PDE1C: variants seen among roughly 807,000 people sequenced by gnomAD.
PDE1C encodes the protein dual specificity calcium/calmodulin-dependent 3',5'-cyclic nucleotide phosphodiesterase 1C.
Under a neutral mutation model 93.1 loss-of-function variants are expected in PDE1C, and 62 were observed. That is an observed-to-expected ratio of 0.67 (90% CI 0.54 to 0.82). The LOEUF is 0.82. Ranked by LOEUF, PDE1C falls within the 40% of genes least tolerant of loss-of-function variation. The pLI, the probability that PDE1C is intolerant of heterozygous loss-of-function variation, is 0.00. For missense variants in PDE1C, 742 were observed against 884.6 expected (o/e 0.84, Z 2.04); for synonymous variants, 325 against 310.1 (o/e 1.05, Z -0.50).
chr7:32,410,785 G>T (rs566635310), intron 1 of PDE1C, among the ~76,000 whole-genome samples: 2 of 152,250 alleles, frequency 1.3e-5, no homozygotes, highest in Admixed American at 6.5e-5. Context: ...CCTTCTCCAG[G>T]TTCCAGCTCT....
intron 1 of PDE1C, among the ~76,000 whole-genome samples, chr7:32,269,225 A>T (rs1810800761): frequency 6.6e-6 from 1 of 151,926 alleles, no homozygotes; most frequent in African/African-American, 2.4e-5. Flanking sequence ...CCACCTGAGG[A>T]TGTTGTGAAA....
At chr7:31,915,510 A>C (rs1471150798) in intron 2 of PDE1C, among the ~76,000 whole-genome samples, 1 of 152,150 alleles carries the variant, frequency 6.6e-6, no homozygotes, top group Non-Finnish European at 1.5e-5. Flanking sequence ...GATGCTACTT[A>C]AGCATTTTTC....
chr7:31,812,480 C>G (rs920127751), intron 15 of PDE1C, among the ~76,000 whole-genome samples: 1 of 152,114 alleles, frequency 6.6e-6, no homozygotes, highest in East Asian at 1.9e-4. Flanking sequence ...AAACCTGGCC[C>G]TACTGCCTGG....
At chr7:32,151,435 G>GGAAATTT (rs1181742854) in intron 3 of PDE1C, among the ~76,000 whole-genome samples, 3 of 152,066 alleles carry the variant, frequency 2.0e-5, no homozygotes, top group Non-Finnish European at 4.4e-5. Flanking sequence ...AATCTATTTT[G>GGAAATTT]GAAATTTGAA....
At chr7:32,292,893 C>T (rs570790944) in intron 1 of PDE1C, among the ~76,000 whole-genome samples, 2 of 152,314 alleles carry the variant, frequency 1.3e-5, no homozygotes, top group East Asian at 3.9e-4. Context: ...CACTGTGTGG[C>T]TCCGGAAAGT....
chr7:31,869,106 C>T (rs1240720109), intron 6 of PDE1C, among the ~76,000 whole-genome samples: 2 of 151,990 alleles, frequency 1.3e-5, no homozygotes, highest in Admixed American at 1.3e-4. Flanking sequence ...AAGGAAAAAA[C>T]TCACTGGTAA....
At chr7:32,199,603 A>C (rs1040061611) in intron 2 of PDE1C, among the ~76,000 whole-genome samples, 1 of 152,100 alleles carries the variant, frequency 6.6e-6, no homozygotes, top group African/African-American at 2.4e-5. Flanking sequence ...TTGGGGTTTT[A>C]TGCTATATTT....
intron 2 of PDE1C, among the ~76,000 whole-genome samples, chr7:31,958,235 T>C (rs1808429816): frequency 1.3e-5 from 2 of 152,168 alleles, no homozygotes; most frequent in Admixed American, 6.5e-5. Flanking sequence ...GGCTCGTCAA[T>C]TGACCCTAAT....
intron 1 of PDE1C, among the ~76,000 whole-genome samples, chr7:32,057,063 G>A (rs1304876764): frequency 6.6e-6 from 1 of 152,150 alleles, no homozygotes; most frequent in Non-Finnish European, 1.5e-5. Context: ...TGCCCAAAAG[G>A]CAGGAGAAAA....
intron 17 of PDE1C, among the ~76,000 whole-genome samples, chr7:31,753,893 G>T (rs943093662): frequency 3.3e-5 from 5 of 152,268 alleles, no homozygotes; most frequent in East Asian, 1.9e-4. Context: ...GTGAACACAG[G>T]TATATCATTA....
intron 1 of PDE1C, among the ~76,000 whole-genome samples, chr7:32,267,848 G>A (rs935076158): frequency 1.3e-5 from 2 of 152,108 alleles, no homozygotes; most frequent in Non-Finnish European, 2.9e-5. Context: ...GAGCATACAG[G>A]CACTTTACAG....
intron 1 of PDE1C, among the ~76,000 whole-genome samples, chr7:32,356,273 ACC>A (rs1784027472): frequency 6.6e-6 from 1 of 152,184 alleles, no homozygotes; most frequent in African/African-American, 2.4e-5. Flanking sequence ...ACTGGCAAAG[ACC>A]CCACAATGTC....
At chr7:31,895,518 A>G (rs892898083) in intron 2 of PDE1C, among the ~76,000 whole-genome samples, 1 of 152,110 alleles carries the variant, frequency 6.6e-6, no homozygotes, top group Non-Finnish European at 1.5e-5. Context: ...TTACCTAAAA[A>G]GAATGTTTAA....
chr7:32,130,932 A>T (rs1799881230), intron 3 of PDE1C, among the ~76,000 whole-genome samples: 1 of 151,978 alleles, frequency 6.6e-6, no homozygotes, highest in Non-Finnish European at 1.5e-5. Flanking sequence ...ATAAGTACAT[A>T]CTTATTACTA....
intron 2 of PDE1C, among the ~76,000 whole-genome samples, chr7:31,968,862 C>A (rs377583125): frequency 6.6e-6 from 1 of 152,072 alleles, no homozygotes; most frequent in African/African-American, 2.4e-5. Flanking sequence ...ACAAACCTGA[C>A]AAAAACAAGC....
rs577272399 is a variant in PDE1C at position 31,906,679 on chromosome 7, A to G, written c.129-25819T>C. ...TCACTCATGCAGCAGTGAGCGAATA[A>G]AAGAAGGGCTAGCCCAGGAGTCTAG... On this transcript the variant is annotated intron_variant, in intron 2 of 17. Coordinates refer to ENST00000396191, the MANE Select transcript of PDE1C (RefSeq NM_001191057.4). Among the ~76,000 whole-genome samples, 178 of 152,266 alleles carry G rather than the reference A, an allele frequency of 1.2e-3. 1 individual carries two copies. The highest frequency in any genetic ancestry group is 4.1e-3 in the African/African-American group (169 of 41,554).
At chr7:32,408,683 G>A (rs1003705073) in intron 1 of PDE1C, among the ~76,000 whole-genome samples, 1 of 152,100 alleles carries the variant, frequency 6.6e-6, no homozygotes, top group African/African-American at 2.4e-5. Flanking sequence ...CAGCTACTTG[G>A]GAGGCTGAGG....
chr7:32,232,514 C>T (rs1368654050), intron 1 of PDE1C, among the ~76,000 whole-genome samples: 1 of 152,150 alleles, frequency 6.6e-6, no homozygotes. Flanking sequence ...AATTCAGGCA[C>T]AGTCTTGGAA....
chr7:32,399,686 G>C (rs1444419736), intron 1 of PDE1C, among the ~76,000 whole-genome samples: 2 of 147,102 alleles, frequency 1.4e-5, no homozygotes, highest in Non-Finnish European at 3.0e-5. Flanking sequence ...GTGTTCAAAT[G>C]ATTCTCATGC....
Sources: allele counts gnomAD v4.1 joint callset (sites outside exome capture counted in the v4.1 genomes callset), GRCh38; gene constraint gnomAD v4.1.1; transcripts MANE v1.5; gene names NCBI Gene and HGNC (gene_info 2026-07-23, HGNC 2026-07-21).